The following OR4K2 variants were observed in gnomAD, a reference collection of about 807,000 sequenced individuals.
The protein encoded by OR4K2 is olfactory receptor 4K2.
A neutral mutation model predicts 10.5 loss-of-function variants in OR4K2; 8 were observed. That is an observed-to-expected ratio of 0.76 (90% CI 0.45 to 1.37). The LOEUF (loss-of-function observed/expected upper bound fraction) is 1.37. Among genes scored for constraint, OR4K2 ranks in the 40% most tolerant of loss-of-function variants. The probability of loss-of-function intolerance (pLI) is 0.00; values close to 1 mark genes in which losing one functional copy is unlikely to be tolerated. For missense variants in OR4K2, 547 were observed against 379.5 expected (o/e 1.44, Z -3.67); for synonymous variants, 178 against 133.6 (o/e 1.33, Z -2.29).
rs116972349 is a variant in OR4K2, at chr14:19,876,421, G to C, written c.154G>C (p.Asp52His). The C allele has an allele frequency of 1.9e-5, 31 of 1,613,676 alleles. No homozygotes were observed. The highest frequency in any genetic ancestry group is 2.6e-5 in the Non-Finnish European group (31 of 1,179,858). The change falls in exon 2 of 2, where the codon GAC becomes CAC. Residue 52 changes from aspartate to histidine, a missense_variant. By Grantham distance (81) the Asp-to-His change is moderately conservative. Coordinates refer to ENST00000641885, the MANE Select transcript of OR4K2 (RefSeq NM_001005501.2). Reference sequence around the variant, plus strand: ...CCTCATAGTCATCACAGTTATAGTGGACCCTCACCTACACTCTCCTATGTA... The same window carrying C: ...CCTCATAGTCATCACAGTTATAGTGCACCCTCACCTACACTCTCCTATGTA... ...NSLIVITVIV[D>H]PHLHSPMYFL...
In OR4K2 at chr14:19,875,471, T is replaced by C. The variant is rs1462006666; in HGVS notation, c.-687T>C. On this transcript the variant is annotated 5_prime_UTR_variant, in exon 1 of 2. Coordinates refer to ENST00000641885, the MANE Select transcript of OR4K2 (RefSeq NM_001005501.2). ...ATGAAAGAGACTGATCTTTGAGCACTTTCCCATGAAAATGTTGTTATATAT... is the reference window on the plus strand; with the variant it reads ...ATGAAAGAGACTGATCTTTGAGCACCTTCCCATGAAAATGTTGTTATATAT... 1 of 152,268 alleles carries C rather than the reference T, an allele frequency of 6.6e-6. No individual in the cohort carries two copies. Among genetic ancestry groups the C allele is most frequent in the African/African-American group, 2.4e-5 (1 of 41,480 alleles). The allele number at this position is 152,268 out of a possible 1,614,324, so 9.4% of individuals were successfully genotyped here.
rs1204736970 is a variant in OR4K2 at position 19,878,598 on chromosome 14, T to C, written c.*1386T>C. ...TTTATTTTTTCTTCATCAGTTTGTGTTTTATTTCTTCATTAATGTACTAAG... is the reference window on the plus strand; with the variant it reads ...TTTATTTTTTCTTCATCAGTTTGTGCTTTATTTCTTCATTAATGTACTAAG... On this transcript the variant is annotated 3_prime_UTR_variant, in exon 2 of 2. Coordinates refer to ENST00000641885, the MANE Select transcript of OR4K2 (RefSeq NM_001005501.2). 1 of 152,212 alleles carries C rather than the reference T, an allele frequency of 6.6e-6. No homozygotes were observed. The highest frequency in any genetic ancestry group is 2.4e-5 in the African/African-American group (1 of 41,470). The allele number at this position is 152,212 out of a possible 1,614,324, so 9.4% of individuals were successfully genotyped here.
chr14:19,877,131 T>TC lies in OR4K2; in HGVS notation c.864_865insC (p.Arg290GlufsTer15), dbSNP rs772428379. The TC allele has an allele frequency of 1.2e-6, 2 of 1,605,324 alleles. No homozygotes were observed. The highest frequency in any genetic ancestry group is 2.7e-5 in the African/African-American group (2 of 75,042). ...CCACTCTGAACCCAATAATCTATAC[T>TC]TTGAGGAATCAAGAAGTAAAGATAG... On this transcript the variant is annotated frameshift_variant, in exon 2 of 2. Coordinates refer to ENST00000641885, the MANE Select transcript of OR4K2 (RefSeq NM_001005501.2). LOFTEE classifies it high-confidence loss of function.
Position 19,876,646 on chromosome 14 carries a change from T to TGCAA in OR4K2, c.382_385dup (p.Pro129GlnfsTer10). ...GTCCTTTGATAGGTATATTGCAATATGCAAGCCCCTGCACTATGCTTCTGT... is the reference window on the plus strand; with the variant it reads ...GTCCTTTGATAGGTATATTGCAATATGCAAGCAAGCCCCTGCACTATGCTTCTGT... On this transcript the variant is annotated frameshift_variant, in exon 2 of 2. Coordinates refer to ENST00000641885, the MANE Select transcript of OR4K2 (RefSeq NM_001005501.2). LOFTEE classifies it high-confidence loss of function. 1 of 1,614,206 alleles carries TGCAA rather than the reference T, an allele frequency of 6.2e-7. No individual in the cohort carries two copies. The highest frequency in any genetic ancestry group is 8.5e-7 in the Non-Finnish European group (1 of 1,180,004).
chr14:19,876,407 T>C lies in OR4K2; in HGVS notation c.140T>C (p.Ile47Thr), dbSNP rs1324828517. Reference protein sequence around the residue: ...ATMVGNSLIVITVIVDPHLHS... With the variant: ...ATMVGNSLIVTTVIVDPHLHS... Reference sequence around the variant, plus strand: ...ATGGTGGGTAACAGCCTCATAGTCATCACAGTTATAGTGGACCCTCACCTA... The same window carrying C: ...ATGGTGGGTAACAGCCTCATAGTCACCACAGTTATAGTGGACCCTCACCTA... The change falls in exon 2 of 2, where the codon ATC (isoleucine) becomes ACC (threonine). Residue 47 changes from isoleucine to threonine, a missense_variant. Ile to Thr is a moderately conservative substitution (Grantham distance 89). Transcript: ENST00000641885. 13 of 1,614,106 alleles carry C rather than the reference T, an allele frequency of 8.1e-6. No individual in the cohort carries two copies. Among genetic ancestry groups the C allele is most frequent in the Non-Finnish European group, 1.1e-5 (13 of 1,179,952 alleles).
chr14:19,875,438 G>A lies in OR4K2; in HGVS notation c.-720G>A, dbSNP rs190817254. 1.3e-4 allele frequency: 20 copies of A among 152,314 alleles called. No homozygotes were observed. The East Asian group carries it at 3.7e-3, about 28-fold the overall frequency. 9.4% of individuals were successfully genotyped at this position (152,314 alleles called of 1,614,324 possible). ...CATTTACAGAAGAAGAATTCAAACAGAGGTGAAATGAAAGAGACTGATCTT... is the reference window on the plus strand; with the variant it reads ...CATTTACAGAAGAAGAATTCAAACAAAGGTGAAATGAAAGAGACTGATCTT... On this transcript the variant is annotated 5_prime_UTR_variant, in exon 1 of 2. Coordinates refer to ENST00000641885, the MANE Select transcript of OR4K2 (RefSeq NM_001005501.2).
chr14:19,875,192 A>G lies in OR4K2; in HGVS notation c.-966A>G, dbSNP rs1374204484. 1.3e-5 allele frequency: 2 copies of G among 152,256 alleles called. No individual in the cohort carries two copies. Among genetic ancestry groups the G allele is most frequent in the African/African-American group, 2.4e-5 (1 of 41,474 alleles). 9.4% of individuals were successfully genotyped at this position (152,256 alleles called of 1,614,324 possible). A position where few individuals can be genotyped will look rare whatever the true frequency, so the allele number is the denominator to read the frequency against. The stretch of plus-strand genomic sequence containing the variant: ...CAGCTGATACACAACTAATGATTCA[A>G]CTAGGTCATTTATTTATATTTTAAA... On this transcript the variant is annotated 5_prime_UTR_variant, in exon 1 of 2. Coordinates refer to ENST00000641885, the MANE Select transcript of OR4K2 (RefSeq NM_001005501.2).
Position 19,883,252 on chromosome 14 carries a change from T to C in OR4K2, c.*6040T>C, listed in dbSNP as rs1881083212. 6.6e-6 allele frequency: 1 copy of C among 152,304 alleles called. No individual in the cohort carries two copies. The highest frequency in any genetic ancestry group is 6.5e-5 in the Admixed American group (1 of 15,290). 9.4% of individuals were successfully genotyped at this position (152,304 alleles called of 1,614,324 possible). A position where few individuals can be genotyped will look rare whatever the true frequency, so the allele number is the denominator to read the frequency against. ...CAAAAGATCTTGATGTCTTGCTTTA[T>C]CTCTTTGGGAATGATAGTGCTGTTG... On this transcript the variant is annotated 3_prime_UTR_variant, in exon 2 of 2. Coordinates refer to ENST00000641885, the MANE Select transcript of OR4K2 (RefSeq NM_001005501.2).
chr14:19,880,478 G>A lies in OR4K2; in HGVS notation c.*3266G>A, dbSNP rs894848620. On this transcript the variant is annotated 3_prime_UTR_variant, in exon 2 of 2. Coordinates refer to ENST00000641885, the MANE Select transcript of OR4K2 (RefSeq NM_001005501.2). ...TAACCTCTGGATATCTTTGTTTATG[G>A]GACTTGATAGTCTCTTGAGCTAACA... 1 of 152,136 alleles carries A rather than the reference G, an allele frequency of 6.6e-6. No homozygotes were observed. Among genetic ancestry groups the A allele is most frequent in the South Asian group, 2.1e-4 (1 of 4,826 alleles). The allele number at this position is 152,136 out of a possible 1,614,324, so 9.4% of individuals were successfully genotyped here.
Position 19,877,338 on chromosome 14 carries a change from A to T in OR4K2, c.*126A>T. The T allele has an allele frequency of 1.5e-6, 1 of 661,006 alleles. No individual in the cohort carries two copies. Among genetic ancestry groups the T allele is most frequent in the Non-Finnish European group, 2.5e-6 (1 of 398,782 alleles). The allele number at this position is 661,006 out of a possible 1,614,324, so 40.9% of individuals were successfully genotyped here. A position where few individuals can be genotyped will look rare whatever the true frequency, so the allele number is the denominator to read the frequency against. ...TTCAGTGCATTTTGAAACTATTCTC[A>T]TGAATGTGAATGTGTTCAAAATACA... On this transcript the variant is annotated 3_prime_UTR_variant, in exon 2 of 2. Transcript: ENST00000641885.
chr14:19,878,218 A>G lies in OR4K2; in HGVS notation c.*1006A>G, dbSNP rs553806914. Reference sequence around the variant, plus strand: ...ATATTAGCTTTAATGTATACAAAGTATTACTACCACCTGCTGGTACTAACT... The same window carrying G: ...ATATTAGCTTTAATGTATACAAAGTGTTACTACCACCTGCTGGTACTAACT... On this transcript the variant is annotated 3_prime_UTR_variant, in exon 2 of 2. Coordinates refer to ENST00000641885, the MANE Select transcript of OR4K2 (RefSeq NM_001005501.2). The G allele has an allele frequency of 6.6e-6, 1 of 152,224 alleles. No homozygotes were observed. The highest frequency in any genetic ancestry group is 2.4e-5 in the African/African-American group (1 of 41,478). The allele number at this position is 152,224 out of a possible 1,614,324, so 9.4% of individuals were successfully genotyped here.
rs887088893 is a variant in OR4K2, at chr14:19,881,202, C to G, written c.*3990C>G. 12 of 152,238 alleles carry G rather than the reference C, an allele frequency of 7.9e-5. No individual in the cohort carries two copies. The highest frequency in any genetic ancestry group is 2.4e-4 in the African/African-American group (10 of 41,462). 9.4% of individuals were successfully genotyped at this position (152,238 alleles called of 1,614,324 possible). ...CAATTGAAAAACGGGGAGAAGAAAACAGCCAGGGAAATCTAATTCATGTGA... is the reference window on the plus strand; with the variant it reads ...CAATTGAAAAACGGGGAGAAGAAAAGAGCCAGGGAAATCTAATTCATGTGA... On this transcript the variant is annotated 3_prime_UTR_variant, in exon 2 of 2. Transcript: ENST00000641885.
At position 19,881,983 on chromosome 14, in the gene OR4K2, C is replaced by A. The variant is rs142807962; in HGVS notation, c.*4771C>A. On this transcript the variant is annotated 3_prime_UTR_variant, in exon 2 of 2. Transcript: ENST00000641885. ...TTGGGTAAATTAAGCAGATTTAATACAATGTATTAAATGCTTGTGAATAAT... is the reference window on the plus strand; with the variant it reads ...TTGGGTAAATTAAGCAGATTTAATAAAATGTATTAAATGCTTGTGAATAAT... The A allele has an allele frequency of 6.6e-6, 1 of 152,138 alleles. No homozygotes were observed. Among genetic ancestry groups the A allele is most frequent in the African/African-American group, 2.4e-5 (1 of 41,414 alleles). The allele number at this position is 152,138 out of a possible 1,614,324, so 9.4% of individuals were successfully genotyped here.
chr14:19,879,117 G>A lies in OR4K2; in HGVS notation c.*1905G>A, dbSNP rs1880979220. ...CAACTCTATAAGGCAAGTCAATAATGAGATTAAGTAGTTGGATTGATAGTA... is the reference window on the plus strand; with the variant it reads ...CAACTCTATAAGGCAAGTCAATAATAAGATTAAGTAGTTGGATTGATAGTA... On this transcript the variant is annotated 3_prime_UTR_variant, in exon 2 of 2. Transcript: ENST00000641885. The A allele has an allele frequency of 6.6e-6, 1 of 152,176 alleles. No individual in the cohort carries two copies. The allele number at this position is 152,176 out of a possible 1,614,324, so 9.4% of individuals were successfully genotyped here.
chr14:19,877,019 T>G lies in OR4K2; in HGVS notation c.752T>G (p.Phe251Cys). 6.2e-7 allele frequency: 1 copy of G among 1,613,808 alleles called. No individual in the cohort carries two copies. Among genetic ancestry groups the G allele is most frequent in the South Asian group, 1.1e-5 (1 of 91,088 alleles). The change falls in exon 2 of 2, where the codon TTT (phenylalanine) becomes TGT (cysteine). Residue 251 changes from phenylalanine to cysteine, a missense_variant. Physicochemically the swap from Phe to Cys is radical, Grantham distance 205. Coordinates refer to ENST00000641885, the MANE Select transcript of OR4K2 (RefSeq NM_001005501.2). ...TAHFIVVFLF[F>C]GPCIFIYMWP... ...CATTTCATTGTTGTCTTCTTGTTCT[T>G]TGGGCCATGCATCTTCATCTACATG...
rs1434287419 is a variant in OR4K2, at chr14:19,880,897, T to C, written c.*3685T>C. The C allele has an allele frequency of 6.6e-6, 1 of 152,262 alleles. No individual in the cohort carries two copies. Among genetic ancestry groups the C allele is most frequent in the Non-Finnish European group, 1.5e-5 (1 of 68,046 alleles). The allele number at this position is 152,262 out of a possible 1,614,324, so 9.4% of individuals were successfully genotyped here. Reference sequence around the variant, plus strand: ...AAGTTTTGTATTATATGAGCTGTCTTATGTGAAGTATTTTTCTGCATTGAT... The same window carrying C: ...AAGTTTTGTATTATATGAGCTGTCTCATGTGAAGTATTTTTCTGCATTGAT... On this transcript the variant is annotated 3_prime_UTR_variant, in exon 2 of 2. Coordinates refer to ENST00000641885, the MANE Select transcript of OR4K2 (RefSeq NM_001005501.2).
rs1230433323 is a variant in OR4K2, at chr14:19,883,597, C to G, written c.*6385C>G. 1 of 152,084 alleles carries G rather than the reference C, an allele frequency of 6.6e-6. No homozygotes were observed. Among genetic ancestry groups the G allele is most frequent in the Non-Finnish European group, 1.5e-5 (1 of 68,014 alleles). The allele number at this position is 152,084 out of a possible 1,614,324, so 9.4% of individuals were successfully genotyped here. On this transcript the variant is annotated 3_prime_UTR_variant, in exon 2 of 2. Coordinates refer to ENST00000641885, the MANE Select transcript of OR4K2 (RefSeq NM_001005501.2). ...TTTTTGGAGGGAGGTATTAATAATC[C>G]TTCTGATATTTATATTAGTAGTTAA...
rs768493157 is a variant in OR4K2, at chr14:19,876,502, C to A, written c.235C>A (p.Pro79Thr). The A allele has an allele frequency of 3.1e-6, 5 of 1,614,022 alleles. No individual in the cohort carries two copies. The highest frequency in any genetic ancestry group is 4.2e-6 in the Non-Finnish European group (5 of 1,179,988). The change falls in exon 2 of 2, where the codon CCA (proline) becomes ACA (threonine). Residue 79 changes from proline to threonine, a missense_variant. Pro to Thr is a conservative substitution (Grantham distance 38). Coordinates refer to ENST00000641885, the MANE Select transcript of OR4K2 (RefSeq NM_001005501.2). ...TATGTCTCTTGCTTCTTTCGCCACCCCAAAGATGATTACAGATTACCTAAC... is the reference window on the plus strand; with the variant it reads ...TATGTCTCTTGCTTCTTTCGCCACCACAAAGATGATTACAGATTACCTAAC... ...IDMSLASFAT[P>T]KMITDYLTGH... is the part of the protein sequence containing the mutation.
chr14:19,876,238 G>C lies in OR4K2; in HGVS notation c.-23-7G>C, dbSNP rs1319664411. On this transcript the variant is annotated splice_polypyrimidine_tract_variant and splice_region_variant and intron_variant, in intron 1 of 1. Coordinates refer to ENST00000641885, the MANE Select transcript of OR4K2 (RefSeq NM_001005501.2). ...CCTTTTTTTTTTTTTTTTTTTTCGT[G>C]ATACAGGCTTCTGCCTATGAATCAA... 1 of 496,732 alleles carries C rather than the reference G, an allele frequency of 2.0e-6. No homozygotes were observed. Among genetic ancestry groups the C allele is most frequent in the Non-Finnish European group, 3.2e-6 (1 of 309,410 alleles). The allele number at this position is 496,732 out of a possible 1,614,324, so 30.8% of individuals were successfully genotyped here.
Sources: allele counts gnomAD v4.1 joint callset, GRCh38; gene constraint gnomAD v4.1.1; transcripts MANE v1.5; gene names NCBI Gene and HGNC (gene_info 2026-07-23, HGNC 2026-07-21).